The following CTNNA3 variants were observed in gnomAD, a reference collection of about 807,000 sequenced individuals.
CTNNA3 encodes the protein catenin alpha-3.
CTNNA3 carries 76 observed loss-of-function variants against 95.7 expected under a neutral mutation model. The ratio of observed to expected loss-of-function variants is 0.79; its 90% CI spans 0.66 to 0.96. The LOEUF is 0.96. Ranked by LOEUF, CTNNA3 falls within the 40% of genes least tolerant of loss-of-function variation. CTNNA3 has a pLI of 0.00. For missense variants in CTNNA3, 1,191 were observed against 1,089.8 expected (o/e 1.09, Z -1.31); for synonymous variants, 431 against 374.4 (o/e 1.15, Z -1.74).
chr10:67,161,423 G>T (rs143714068), intron 7 of CTNNA3, among the ~76,000 whole-genome samples: 1 of 150,712 alleles, frequency 6.6e-6, no homozygotes, highest in Non-Finnish European at 1.5e-5. Flanking sequence ...TTACATAAAG[G>T]GTTCTACATT....
chr10:65,960,301 C>T (rs1176985891), intron 17 of CTNNA3, among the ~76,000 whole-genome samples: 3 of 151,644 alleles, frequency 2.0e-5, no homozygotes, highest in African/African-American at 7.3e-5. Flanking sequence ...CTTTGGGAGG[C>T]CGAGGTGGGT....
intron 9 of CTNNA3, among the ~76,000 whole-genome samples, chr10:66,645,151 T>C (rs558192377): frequency 6.6e-6 from 1 of 152,186 alleles, no homozygotes; most frequent in African/African-American, 2.4e-5. Flanking sequence ...GTTCTCCCAT[T>C]CTTTAGCTTG....
chr10:66,375,462 TTGAG>T, intron 12 of CTNNA3, among the ~76,000 whole-genome samples: 1 of 152,262 alleles, frequency 6.6e-6, no homozygotes, highest in South Asian at 2.1e-4. Context: ...TAAAAATTCT[TTGAG>T]TCATACCTAG....
In CTNNA3 at chr10:66,818,319, T is replaced by TC. The variant is rs1842169163; in HGVS notation, c.1048-42796_1048-42795insG. 2.9e-5 allele frequency among the ~76,000 whole-genome samples: 4 copies of TC among 139,108 alleles called. No homozygotes were observed. In the South Asian group the frequency reaches 6.8e-4, roughly 24 times the overall value. 91.3% of individuals were successfully genotyped at this position (139,108 alleles called of 152,430 possible). ...AAGAAAAATAAATAAAAGTAGTCTT[T>TC]GGAAAATAACTGAAGTTATCTTTAC... On this transcript the variant is annotated intron_variant, in intron 7 of 17. Coordinates refer to ENST00000433211, the MANE Select transcript of CTNNA3 (RefSeq NM_013266.4).
chr10:66,481,271 T>C (rs1043419332), intron 11 of CTNNA3, among the ~76,000 whole-genome samples: 1 of 152,146 alleles, frequency 6.6e-6, no homozygotes, highest in Admixed American at 6.5e-5. Flanking sequence ...AGTTTTTTAA[T>C]GCAAGTTTCC....
intron 11 of CTNNA3, among the ~76,000 whole-genome samples, chr10:66,391,805 T>C (rs139720780): frequency 5.4e-4 from 82 of 152,228 alleles, no homozygotes; most frequent in Non-Finnish European, 8.1e-4. Flanking sequence ...CACATGCTCA[T>C]GTTAAATTTG....
intron 7 of CTNNA3, among the ~76,000 whole-genome samples, chr10:66,980,773 T>G (rs1425457850): frequency 1.3e-5 from 2 of 152,214 alleles, no homozygotes; most frequent in African/African-American, 4.8e-5. Flanking sequence ...GAGGACAACC[T>G]TCATGTACAA....
intron 7 of CTNNA3, among the ~76,000 whole-genome samples, chr10:67,080,919 A>T (rs1857019675): frequency 9.9e-6 from 1 of 101,048 alleles, no homozygotes; most frequent in Admixed American, 8.9e-5. Flanking sequence ...AAAAAAAACA[A>T]AAAAACAAAA....
At chr10:66,957,800 A>G (rs1040311175) in intron 7 of CTNNA3, among the ~76,000 whole-genome samples, 1 of 152,122 alleles carries the variant, frequency 6.6e-6, no homozygotes, top group Admixed American at 6.6e-5. Flanking sequence ...AAGTGTGCTT[A>G]CAGGAGATGG....
Position 66,976,795 on chromosome 10 carries a change from T to C in CTNNA3, c.1048-201271A>G, listed in dbSNP as rs142545235. Among the ~76,000 whole-genome samples, 1,292 of 152,340 alleles carry C rather than the reference T, an allele frequency of 8.5e-3. 12 individuals carry two copies. Among genetic ancestry groups the C allele is most frequent in the Non-Finnish European group, 0.015 (1,008 of 68,032 alleles). ...TCTTTAAATTTCATGTAAATGATTATTTTATTGGTAAAATGTATAACAAGT... is the reference window on the plus strand; with the variant it reads ...TCTTTAAATTTCATGTAAATGATTACTTTATTGGTAAAATGTATAACAAGT... On this transcript the variant is annotated intron_variant, in intron 7 of 17. Transcript: ENST00000433211.
chr10:66,450,893 T>C (rs1237605972), intron 11 of CTNNA3, among the ~76,000 whole-genome samples: 1 of 152,138 alleles, frequency 6.6e-6, no homozygotes, highest in Non-Finnish European at 1.5e-5. Flanking sequence ...TTTTTGAAGA[T>C]AAAGTAACAT....
intron 10 of CTNNA3, among the ~76,000 whole-genome samples, chr10:66,558,222 C>T (rs1366848147): frequency 1.3e-5 from 2 of 152,250 alleles, no homozygotes; most frequent in Middle Eastern, 3.4e-3. Context: ...TGCTGTCAGA[C>T]ATGAAGCCTT....
intron 7 of CTNNA3, among the ~76,000 whole-genome samples, chr10:66,888,150 AT>A (rs1314841211): frequency 3.2e-4 from 49 of 152,302 alleles, no homozygotes; most frequent in African/African-American, 1.2e-3. Context: ...CCTGAAGTGT[AT>A]AAGATGGCTT....
chr10:67,753,134 A>G (rs1320759570), intron 1 of CTNNA3, among the ~76,000 whole-genome samples: 4 of 152,174 alleles, frequency 2.6e-5, no homozygotes. Context: ...ACATAGACCA[A>G]TGGAACAGAA....
intron 1 of CTNNA3, among the ~76,000 whole-genome samples, chr10:67,736,676 C>T (rs1018938740): frequency 6.6e-6 from 1 of 151,882 alleles, no homozygotes; most frequent in Non-Finnish European, 1.5e-5. Context: ...AGGATGGTCT[C>T]GATCTCCTGA....
intron 3 of CTNNA3, among the ~76,000 whole-genome samples, chr10:67,558,840 G>T (rs543104147): frequency 6.6e-6 from 1 of 152,332 alleles, no homozygotes; most frequent in Non-Finnish European, 1.5e-5. Context: ...ATTATATCCC[G>T]CACATGGCTC....
intron 6 of CTNNA3, among the ~76,000 whole-genome samples, chr10:67,204,129 T>A (rs1392882134): frequency 6.6e-6 from 1 of 150,606 alleles, no homozygotes; most frequent in Non-Finnish European, 1.5e-5. Flanking sequence ...GACCTAAAAG[T>A]ATTTTTTTCC....
Position 66,732,950 on chromosome 10 carries a change from C to T in CTNNA3, c.1281+33314G>A, listed in dbSNP as rs372200076. Among the ~76,000 whole-genome samples, 28 of 152,116 alleles carry T rather than the reference C, an allele frequency of 1.8e-4. No homozygotes were observed. The East Asian group carries it at 4.5e-3, about 24-fold the overall frequency. On this transcript the variant is annotated intron_variant, in intron 9 of 17. Coordinates refer to ENST00000433211, the MANE Select transcript of CTNNA3 (RefSeq NM_013266.4). ...AGCTGGGATTACAGGCACCAGCCAC[C>T]GCGCCCAGCTGATTTTTGGATTTTT...
chr10:67,529,194 A>C (rs944551288), intron 4 of CTNNA3, among the ~76,000 whole-genome samples: 1 of 152,144 alleles, frequency 6.6e-6, no homozygotes, highest in African/African-American at 2.4e-5. Flanking sequence ...AATGGATATA[A>C]AAATAAAGTT....
Sources: gnomAD v4.1 joint callset for allele counts (sites outside exome capture counted in the v4.1 genomes callset) on GRCh38, gnomAD v4.1.1 for gene constraint, MANE v1.5 for transcripts, NCBI Gene and HGNC (gene_info 2026-07-23, HGNC 2026-07-21) for gene names.